The following RADIL variants were observed in gnomAD, a reference collection of about 807,000 sequenced individuals.
RADIL encodes the protein ras-associating and dilute domain-containing protein.
RADIL carries 99 observed loss-of-function variants against 97.6 expected under a neutral mutation model. The ratio of observed to expected loss-of-function variants is 1.01; its 90% CI spans 0.86 to 1.20. The LOEUF (loss-of-function observed/expected upper bound fraction) is 1.20. Ranked by LOEUF, RADIL falls within the 50% of genes most tolerant of loss-of-function variation. The pLI is 0.00. For missense variants in RADIL, 1,765 were observed against 1,498.9 expected, an observed-to-expected ratio of 1.18 and a Z score of -2.93; for synonymous variants, 803 against 691.8, an observed-to-expected ratio of 1.16 and a Z score of -2.52.
chr7:4,871,987 A>T (rs1261278522), intron 2 of RADIL, among the ~76,000 whole-genome samples: 3 of 152,142 alleles, frequency 2.0e-5, no homozygotes, highest in African/African-American at 7.2e-5. Flanking sequence ...GTCTCCAGGA[A>T]CGCATGAATG....
rs1276669294 is a variant in RADIL at position 4,822,155 on chromosome 7, G to A, written c.1615+239C>T. ...CCGCACGGAGCACACGGGATGATGG[G>A]GACAGACTGAGTGCCAAGGTGCTGT... On this transcript the variant is annotated intron_variant, in intron 6 of 14. Transcript: ENST00000399583. This position sits in a 1 kb window ranked among gnomAD's most constrained non-coding sequence, Gnocchi z 5.3. 6.6e-6 allele frequency among the ~76,000 whole-genome samples: 1 copy of A among 152,108 alleles called. No individual in the cohort carries two copies. Among genetic ancestry groups the A allele is most frequent in the Non-Finnish European group, 1.5e-5 (1 of 68,020 alleles).
chr7:4,816,332 T>A lies in RADIL; in HGVS notation c.1862A>T (p.Asp621Val), dbSNP rs749362974. Reference sequence around the variant, plus strand: ...GTGCACCTGCAGCTGCCGCAGGAGGTCCAGGGCTGCCTGGTACACAGACAC... The same window carrying A: ...GTGCACCTGCAGCTGCCGCAGGAGGACCAGGGCTGCCTGGTACACAGACAC... The part of the protein sequence containing the change: ...RVVSVYQAAL[D>V]LLRQLQVHPE... The change falls in exon 8 of 15, where the codon GAC (aspartate) becomes GTC (valine). Residue 621 changes from aspartate to valine, a missense_variant. Asp to Val is a radical substitution (Grantham distance 152, BLOSUM62 -3). Transcript: ENST00000399583. The A allele has an allele frequency of 1.7e-5, 28 of 1,612,134 alleles. 1 individual carries two copies. In the South Asian group the frequency reaches 3.0e-4, roughly 17 times the overall value.
Position 4,803,667 on chromosome 7 carries a change from T to A in RADIL, c.2378A>T (p.Asp793Val). The change falls in exon 11 of 15, where the codon GAC (aspartate) becomes GTC (valine). Residue 793 changes from aspartate to valine, a missense_variant. Physicochemically the swap from Asp to Val is radical, Grantham distance 152. Transcript: ENST00000399583. ...FQVDLEANCL[D>V]DSIYQHLLYV... ...GAGCAGGTGCTGGTAGATGCTGTCGTCCAGGCAGTTGGCTTCCAAGTCCAC... is the reference window on the plus strand; with the variant it reads ...GAGCAGGTGCTGGTAGATGCTGTCGACCAGGCAGTTGGCTTCCAAGTCCAC... The A allele has an allele frequency of 1.3e-6, 2 of 1,553,708 alleles. No homozygotes were observed. The highest frequency in any genetic ancestry group is 1.7e-6 in the Non-Finnish European group (2 of 1,149,122).
chr7:4,831,838 AG>A (rs1783149520), intron 5 of RADIL, among the ~76,000 whole-genome samples: 1 of 152,172 alleles, frequency 6.6e-6, no homozygotes, highest in African/African-American at 2.4e-5. Flanking sequence ...CTGTGAGCAG[AG>A]ATTGCACCAC....
chr7:4,829,808 C>T (rs532962085), intron 5 of RADIL, among the ~76,000 whole-genome samples: 16 of 152,268 alleles, frequency 1.1e-4, no homozygotes, highest in African/African-American at 3.8e-4. Context: ...TCCTCCTTTG[C>T]CTTCTGCCAT....
chr7:4,821,441 A>G lies in RADIL; in HGVS notation c.1615+953T>C, dbSNP rs955223390. Among the ~76,000 whole-genome samples, 3 of 152,118 alleles carry G rather than the reference A, an allele frequency of 2.0e-5. No homozygotes were observed. Among genetic ancestry groups the G allele is most frequent in the African/African-American group, 7.2e-5 (3 of 41,412 alleles). The stretch of plus-strand genomic sequence containing the variant: ...GCCCCACACAGTCCTTAGCAGACAC[A>G]TGAGCCGAAATCCTACCCCGGCTTC... On this transcript the variant is annotated intron_variant, in intron 6 of 14. Transcript: ENST00000399583. The surrounding 1 kb of genome is among the most constrained non-coding windows in gnomAD (Gnocchi z 5.2).
chr7:4,864,463 G>C lies in RADIL; in HGVS notation c.535+13142C>G, dbSNP rs565711661. 5.4e-4 allele frequency among the ~76,000 whole-genome samples: 83 copies of C among 152,308 alleles called. 1 individual carries two copies. Among genetic ancestry groups the C allele is most frequent in the African/African-American group, 1.7e-3 (70 of 41,566 alleles). ...TACAGATTAATTCATATTTTAATCA[G>C]ACTCTCTTCTGAACTCCAGATCCAT... On this transcript the variant is annotated intron_variant, in intron 2 of 14. Transcript: ENST00000399583.
chr7:4,809,015 T>G, intron 9 of RADIL: 5 of 433,304 alleles, frequency 1.2e-5, no homozygotes, highest in Non-Finnish European at 1.3e-5. Context: ...CCGACGCCAC[T>G]GCCCCCCCTT....
At chr7:4,802,612 C>T (rs1413206103) in intron 11 of RADIL, among the ~76,000 whole-genome samples, 1 of 135,668 alleles carries the variant, frequency 7.4e-6, no homozygotes, top group Non-Finnish European at 1.6e-5. Flanking sequence ...CCGGGTACCT[C>T]GGGGCATGCT....
rs1782282473 is a variant in RADIL at position 4,805,674 on chromosome 7, G to A, written c.2182C>T (p.Pro728Ser). The change falls in exon 10 of 15, where the codon CCA becomes TCA. Residue 728 changes from proline (P) to serine (S), a missense_variant. Physicochemically the swap from Pro to Ser is moderately conservative, Grantham distance 74. Transcript: ENST00000399583. Reference sequence around the variant, plus strand: ...GTCAGCAGCCGGTGCAGCTGTGCTGGGCTCAGTGCGGGGAACGCAGCCCGC... The same window carrying A: ...GTCAGCAGCCGGTGCAGCTGTGCTGAGCTCAGTGCGGGGAACGCAGCCCGC... Reference protein sequence around the residue: ...ALRAAFPALSPAQLHRLLTHY... With the variant: ...ALRAAFPALSSAQLHRLLTHY... 1.2e-6 allele frequency: 2 copies of A among 1,611,654 alleles called. No individual in the cohort carries two copies. The highest frequency in any genetic ancestry group is 1.1e-5 in the South Asian group (1 of 91,084).
rs1402567358 is a variant in RADIL, at chr7:4,814,529, G to A, written c.2139+749C>T. 6.6e-6 allele frequency among the ~76,000 whole-genome samples: 1 copy of A among 151,906 alleles called. No homozygotes were observed. Among genetic ancestry groups the A allele is most frequent in the Non-Finnish European group, 1.5e-5 (1 of 67,976 alleles). On this transcript the variant is annotated intron_variant, in intron 9 of 14. Transcript: ENST00000399583. The surrounding 1 kb of genome is among the most constrained non-coding windows in gnomAD (Gnocchi z 4.5). Reference sequence around the variant, plus strand: ...TCCATTAATTACCTGTGATGACTGTGTTGGGAAGGGGGGTGGTGAGTGGCT... The same window carrying A: ...TCCATTAATTACCTGTGATGACTGTATTGGGAAGGGGGGTGGTGAGTGGCT...
At chr7:4,861,765 G>C (rs1784008967) in intron 2 of RADIL, 1 of 1,485,888 alleles carries the variant, frequency 6.7e-7, no homozygotes, top group South Asian at 1.4e-5. Context: ...TTCGGCGGCG[G>C]CGCCGGCTGC....
intron 2 of RADIL, among the ~76,000 whole-genome samples, chr7:4,875,195 CAA>C (rs1784346468): frequency 7.0e-4 from 2 of 2,850 alleles, no homozygotes; most frequent in Admixed American, 4.5e-3. Flanking sequence ...CCATCTCCAA[CAA>C]CAACAACAAC....
chr7:4,804,464 A>G (rs916505935), intron 10 of RADIL, among the ~76,000 whole-genome samples: 2 of 152,220 alleles, frequency 1.3e-5, no homozygotes, highest in Admixed American at 1.3e-4. Flanking sequence ...ATGCAGATGA[A>G]GGGAGATGTG....
At chr7:4,809,334 G>C (rs11970860) in intron 9 of RADIL, 223,644 of 985,072 alleles carry the variant, frequency 0.23, 31,054 homozygotes, top group African/African-American at 0.62. Flanking sequence ...GCCAGGAGAA[G>C]TCCTGTTTTC....
intron 2 of RADIL, chr7:4,861,169 T>C (rs1562454554): frequency 6.2e-7 from 1 of 1,614,244 alleles, no homozygotes; most frequent in East Asian, 2.2e-5. Context: ...TGTTTGGCAC[T>C]AGATGTAAAA....
At chr7:4,868,712 C>T (rs960317112) in intron 2 of RADIL, among the ~76,000 whole-genome samples, 2 of 152,210 alleles carry the variant, frequency 1.3e-5, no homozygotes, top group Non-Finnish European at 2.9e-5. Context: ...ACATTTTCTT[C>T]TAGTATATCA....
At position 4,836,454 on chromosome 7, in the gene RADIL, G is replaced by A. The variant is rs370863600; in HGVS notation, c.687C>T (p.Ala229=). The A allele has an allele frequency of 1.1e-4, 170 of 1,601,636 alleles. No homozygotes were observed. The highest frequency in any genetic ancestry group is 1.4e-4 in the Non-Finnish European group (161 of 1,174,460). Residue 229 remains alanine, a synonymous_variant, in exon 3 of 15, where the codon GCC becomes GCT. Transcript: ENST00000399583. ...SLSPVNALPA[A]AQGPEEPGPD... is the part of the protein sequence containing the mutation. ...GGCCGGGCTCCTCGGGGCCCTGGGCGGCAGCGGGCAGGGCGTTCACTGGGC... is the reference window on the plus strand; with the variant it reads ...GGCCGGGCTCCTCGGGGCCCTGGGCAGCAGCGGGCAGGGCGTTCACTGGGC...
intron 6 of RADIL, among the ~76,000 whole-genome samples, chr7:4,820,585 T>C (rs1313848025): frequency 6.6e-6 from 1 of 152,160 alleles, no homozygotes; most frequent in African/African-American, 2.4e-5. Context: ...GGGGAGACCC[T>C]GGCAGATCCC....
Sources: gnomAD v4.1 joint callset for allele counts (sites outside exome capture counted in the v4.1 genomes callset) on GRCh38, gnomAD v4.1.1 for gene constraint, Gnocchi (gnomAD v3.1) non-coding constraint, MANE v1.5 for transcripts, NCBI Gene and HGNC (gene_info 2026-07-23, HGNC 2026-07-21) for gene names.